The following RORA variants were observed in gnomAD, a reference collection of about 807,000 sequenced individuals.
RORA encodes the protein nuclear receptor ROR-alpha.
A neutral mutation model predicts 69.5 loss-of-function variants in RORA; 7 were observed. The ratio of observed to expected loss-of-function variants is 0.10; its 90% confidence interval spans 0.06 to 0.19. The LOEUF is 0.19. Among genes scored for constraint, RORA ranks in the 10% least tolerant of loss-of-function variants. The pLI is 1.00. For synonymous variants in RORA, 261 were observed against 240.8 expected, an observed-to-expected ratio of 1.08 and a Z score of -0.78; for missense variants, 457 against 663.0, an observed-to-expected ratio of 0.69 and a Z score of 3.41.
chr15:60,990,136 T>A (rs1489815144), intron 1 of RORA, among the ~76,000 whole-genome samples: 1 of 152,232 alleles, frequency 6.6e-6, no homozygotes, highest in Non-Finnish European at 1.5e-5. Flanking sequence ...GCAGACTTTA[T>A]CTTGTTAGAT....
At chr15:61,165,143 G>C (rs537163274) in intron 1 of RORA, among the ~76,000 whole-genome samples, 1 of 152,270 alleles carries the variant, frequency 6.6e-6, no homozygotes, top group South Asian at 2.1e-4. Flanking sequence ...AAAAACACTT[G>C]TTTCATTCTT....
chr15:60,821,822 A>G (rs751819304), intron 1 of RORA, among the ~76,000 whole-genome samples: 6 of 152,206 alleles, frequency 3.9e-5, no homozygotes, highest in Non-Finnish European at 8.8e-5. Flanking sequence ...TATTAATCCC[A>G]TGTGAATAAG....
At chr15:60,943,540 G>A (rs149756208) in intron 1 of RORA, among the ~76,000 whole-genome samples, 5 of 152,154 alleles carry the variant, frequency 3.3e-5, no homozygotes, top group African/African-American at 1.2e-4. Flanking sequence ...AAGACAGAAG[G>A]TCTTGGCCCA....
chr15:61,133,404 C>T (rs1449854208), intron 1 of RORA, among the ~76,000 whole-genome samples: 1 of 152,132 alleles, frequency 6.6e-6, no homozygotes, highest in African/African-American at 2.4e-5. Context: ...ACCCTTTCCG[C>T]AAGGTTACAT....
intron 1 of RORA, among the ~76,000 whole-genome samples, chr15:61,153,434 C>T (rs952542004): frequency 5.3e-5 from 8 of 152,174 alleles, no homozygotes; most frequent in Non-Finnish European, 5.9e-5. Context: ...ACAGGCTGGA[C>T]AGAGCCCAAC....
In RORA at chr15:61,131,976, T is replaced by C. The variant is rs1196466375; in HGVS notation, c.166+97077A>G. ...TACTAGTGGAGATGGAACTTATGGG[T>C]AGAATTCATGCCCCTTGGGGCATTC... On this transcript the variant is annotated intron_variant, in intron 1 of 10. Coordinates refer to ENST00000335670, the MANE Select transcript of RORA (RefSeq NM_134261.3). This position sits in a 1 kb window ranked among gnomAD's most constrained non-coding sequence, Gnocchi z 4.2. 1.3e-5 allele frequency among the ~76,000 whole-genome samples: 2 copies of C among 152,236 alleles called. No homozygotes were observed. Among genetic ancestry groups the C allele is most frequent in the Non-Finnish European group, 2.9e-5 (2 of 68,038 alleles).
At chr15:60,653,060 G>T (rs2070167520) in intron 2 of RORA, among the ~76,000 whole-genome samples, 1 of 152,212 alleles carries the variant, frequency 6.6e-6, no homozygotes, top group African/African-American at 2.4e-5. Context: ...GAGTGACACT[G>T]GATTTTTTAC....
intron 1 of RORA, among the ~76,000 whole-genome samples, chr15:61,134,575 T>C (rs1043128306): frequency 3.3e-5 from 5 of 152,210 alleles, no homozygotes; most frequent in Non-Finnish European, 7.3e-5. Flanking sequence ...CAAGAATTCC[T>C]ATTCTCAACC....
chr15:61,118,516 T>C (rs1448025680), intron 1 of RORA, among the ~76,000 whole-genome samples: 1 of 152,118 alleles, frequency 6.6e-6, no homozygotes, highest in Non-Finnish European at 1.5e-5. Flanking sequence ...TATTTGTATG[T>C]ATAGAGGACT....
chr15:61,022,203 T>C lies in RORA; in HGVS notation c.166+206850A>G, dbSNP rs138222669. ...TGACTGAGTTCTCCTGTCTATAAAA[T>C]CATGATAACAAAATAAATTTCCCTA... On this transcript the variant is annotated intron_variant, in intron 1 of 10. Coordinates refer to ENST00000335670, the MANE Select transcript of RORA (RefSeq NM_134261.3). 1.6e-4 allele frequency among the ~76,000 whole-genome samples: 24 copies of C among 152,278 alleles called. 1 individual carries two copies. In the East Asian group the frequency reaches 4.4e-3, roughly 28 times the overall value.
intron 1 of RORA, among the ~76,000 whole-genome samples, chr15:60,819,211 T>C (rs773092278): frequency 2.6e-5 from 4 of 152,198 alleles, no homozygotes; most frequent in Non-Finnish European, 4.4e-5. Flanking sequence ...TTCACCACCA[T>C]AATGAGGATG....
In RORA at chr15:60,490,393, TA is replaced by T. The variant is rs2065022816; in HGVS notation, c.*7061del. 2 of 152,166 alleles carry T rather than the reference TA, an allele frequency of 1.3e-5. No individual in the cohort carries two copies. Among genetic ancestry groups the T allele is most frequent in the African/African-American group, 4.8e-5 (2 of 41,456 alleles). 9.4% of individuals were successfully genotyped at this position (152,166 alleles called of 1,614,324 possible). Reference sequence around the variant, plus strand: ...ATTATACAGCATATTGTGGATTTGATAAACAGATAAATATTTGCACTGAGTA... The same window carrying T: ...ATTATACAGCATATTGTGGATTTGATAACAGATAAATATTTGCACTGAGTA... On this transcript the variant is annotated 3_prime_UTR_variant, in exon 11 of 11. Transcript: ENST00000335670. This position sits in a 1 kb window ranked among gnomAD's most constrained non-coding sequence, Gnocchi z 4.1.
chr15:61,139,229 G>A (rs1463077430), intron 1 of RORA, among the ~76,000 whole-genome samples: 5 of 152,026 alleles, frequency 3.3e-5, no homozygotes, highest in Admixed American at 3.3e-4. Flanking sequence ...AAGCAACAAA[G>A]GGGTGATAGG....
intron 3 of RORA, among the ~76,000 whole-genome samples, chr15:60,521,234 G>GA (rs1212264056): frequency 1.4e-5 from 2 of 146,836 alleles, no homozygotes; most frequent in South Asian, 4.2e-4. Flanking sequence ...AGTCAAAAAA[G>GA]AAAAAAATTG....
At chr15:60,526,117 G>T (rs1363926657) in intron 3 of RORA, among the ~76,000 whole-genome samples, 1 of 152,182 alleles carries the variant, frequency 6.6e-6, no homozygotes, top group Non-Finnish European at 1.5e-5. Context: ...ACGAAAGTTA[G>T]CTGGTCCAGC....
chr15:60,765,442 C>T (rs2071973200), intron 1 of RORA: 1 of 152,074 alleles, frequency 6.6e-6, no homozygotes. Context: ...TTTTCTCCTA[C>T]TTACAGCTTT....
intron 2 of RORA, chr15:60,547,908 C>T (rs6494210): frequency 2.0e-5 from 3 of 152,246 alleles, no homozygotes; most frequent in East Asian, 3.9e-4. Context: ...CCTCCTAGTA[C>T]GTTTGCTAAA....
At chr15:60,995,505 T>C (rs373520855) in intron 1 of RORA, among the ~76,000 whole-genome samples, 1 of 152,198 alleles carries the variant, frequency 6.6e-6, no homozygotes, top group Non-Finnish European at 1.5e-5. Context: ...TTCCTCCCCC[T>C]GACCAGGTCT....
intron 1 of RORA, among the ~76,000 whole-genome samples, chr15:61,073,257 G>C (rs762768746): frequency 2.6e-5 from 4 of 152,204 alleles, no homozygotes; most frequent in Non-Finnish European, 5.9e-5. Context: ...GCAAGGTAGA[G>C]GGCAGGGCGC....
Sources: gnomAD v4.1 joint callset for allele counts (sites outside exome capture counted in the v4.1 genomes callset) on GRCh38, gnomAD v4.1.1 for gene constraint, Gnocchi (gnomAD v3.1) non-coding constraint, MANE v1.5 for transcripts, NCBI Gene and HGNC (gene_info 2026-07-23, HGNC 2026-07-21) for gene names.